PTH2R: variants seen among roughly 807,000 people sequenced by gnomAD.
The protein encoded by PTH2R is parathyroid hormone 2 receptor.
PTH2R carries 59 observed loss-of-function variants against 60.3 expected under a neutral mutation model. The ratio of observed to expected loss-of-function variants is 0.98; its 90% CI spans 0.79 to 1.22. The LOEUF (loss-of-function observed/expected upper bound fraction) is 1.22, where lower values mean the gene tolerates loss of function less well. Ranked by LOEUF, PTH2R falls within the 50% of genes most tolerant of loss-of-function variation. The pLI is 0.00. For synonymous variants in PTH2R, 256 were observed against 243.8 expected (o/e 1.05, Z -0.47); for missense variants, 749 against 682.6 (o/e 1.10, Z -1.08).
chr2:208,488,902 G>T, intron 10 of PTH2R, 110 bp from the exon 11 acceptor site: 1 of 1,119,972 alleles, frequency 8.9e-7, no homozygotes, highest in Non-Finnish European at 1.3e-6. Flanking sequence ...AAAAGAAAGT[G>T]TCAGCCCCAC....
intron 7 of PTH2R, among the ~76,000 whole-genome samples, chr2:208,446,427 T>G (rs1387889340): frequency 6.6e-6 from 1 of 152,222 alleles, no homozygotes; most frequent in Admixed American, 6.5e-5. Flanking sequence ...GGCATAGAAA[T>G]GACAACTACA....
chr2:208,407,669 A>G (rs1008666257), intron 1 of PTH2R, among the ~76,000 whole-genome samples: 17 of 152,372 alleles, frequency 1.1e-4, no homozygotes, highest in African/African-American at 3.6e-4. Flanking sequence ...TCACTTTTGT[A>G]CTGCTAATAT....
intron 1 of PTH2R, among the ~76,000 whole-genome samples, chr2:208,396,382 G>T (rs1030940749): frequency 3.9e-5 from 6 of 152,130 alleles, no homozygotes; most frequent in Non-Finnish European, 1.5e-5. Context: ...GCAACCTACA[G>T]AATGGGAGAA....
At chr2:208,395,136 C>A (rs1226159413) in intron 1 of PTH2R, among the ~76,000 whole-genome samples, 1 of 152,050 alleles carries the variant, frequency 6.6e-6, no homozygotes. Context: ...CAAGCTCCAC[C>A]TCCCAGGTTC....
intron 1 of PTH2R, among the ~76,000 whole-genome samples, chr2:208,379,291 C>G (rs1172394474): frequency 6.6e-6 from 1 of 152,056 alleles, no homozygotes; most frequent in Non-Finnish European, 1.5e-5. Context: ...TTGTGGGACA[C>G]AAAAGAGTCA....
At chr2:208,397,787 G>C (rs904264549) in intron 1 of PTH2R, among the ~76,000 whole-genome samples, 14 of 152,182 alleles carry the variant, frequency 9.2e-5, no homozygotes, top group African/African-American at 3.4e-4. Flanking sequence ...CTACACATGT[G>C]GGGATATGTG....
At chr2:208,466,419 T>C (rs2105893197) in intron 9 of PTH2R, 1 of 152,374 alleles carries the variant, frequency 6.6e-6, no homozygotes, top group South Asian at 2.1e-4. Context: ...TCCTTAGCAG[T>C]TTCTTGCACC....
rs561585899 is a variant in PTH2R at position 208,429,380 on chromosome 2, A to G, written c.178+1077A>G. Among the ~76,000 whole-genome samples, 6 of 152,278 alleles carry G rather than the reference A, an allele frequency of 3.9e-5. 1 individual carries two copies. The highest frequency in any genetic ancestry group is 1.4e-4 in the African/African-American group (6 of 41,570). ...AATTCACTGGATATTTTTACTTCAT[A>G]TATTTTGAAAATATGTTAGGAGGTT... On this transcript the variant is annotated intron_variant, in intron 2 of 12. Coordinates refer to ENST00000272847, the MANE Select transcript of PTH2R (RefSeq NM_005048.4).
At chr2:208,452,535 C>T (rs1018504917) in intron 8 of PTH2R, among the ~76,000 whole-genome samples, 1 of 152,066 alleles carries the variant, frequency 6.6e-6, no homozygotes, top group African/African-American at 2.4e-5. Context: ...CCTGGTTCTG[C>T]TGAAGCTAGA....
At chr2:208,490,527 C>A in intron 11 of PTH2R, 112 bp from the exon 12 acceptor site, 2 of 875,512 alleles carry the variant, frequency 2.3e-6, no homozygotes, top group Non-Finnish European at 1.8e-6. Context: ...GTATATAATT[C>A]TCTGAAGGAA....
chr2:208,364,713 T>C (rs1700544663), intron 1 of PTH2R, among the ~76,000 whole-genome samples: 1 of 152,244 alleles, frequency 6.6e-6, no homozygotes, highest in Non-Finnish European at 1.5e-5. Context: ...ACAAATGCTA[T>C]TGGAATTTTG....
intron 11 of PTH2R, among the ~76,000 whole-genome samples, chr2:208,489,694 G>T (rs375953885): frequency 3.3e-5 from 5 of 152,092 alleles, no homozygotes; most frequent in South Asian, 2.1e-4. Flanking sequence ...TCATATACTT[G>T]CCAGAAATAC....
intron 10 of PTH2R, among the ~76,000 whole-genome samples, chr2:208,481,613 C>T (rs958229364): frequency 6.6e-6 from 1 of 152,074 alleles, no homozygotes; most frequent in Non-Finnish European, 1.5e-5. Context: ...ATCAGAAAAG[C>T]ATATATATAT....
At chr2:208,389,879 G>C (rs549753192) in intron 1 of PTH2R, among the ~76,000 whole-genome samples, 1 of 152,220 alleles carries the variant, frequency 6.6e-6, no homozygotes, top group South Asian at 2.1e-4. Flanking sequence ...GCACATAGTA[G>C]GTGTTTAATG....
intron 1 of PTH2R, among the ~76,000 whole-genome samples, chr2:208,383,164 T>G (rs189954624): frequency 1.5e-4 from 23 of 152,352 alleles, no homozygotes; most frequent in Non-Finnish European, 3.1e-4. Context: ...AGGGAGGTAG[T>G]TAGAGGCTGC....
chr2:208,425,470 A>G (rs1206413379), intron 1 of PTH2R, among the ~76,000 whole-genome samples: 2 of 152,236 alleles, frequency 1.3e-5, no homozygotes, highest in South Asian at 2.1e-4. Context: ...AGAAATTGCT[A>G]TATAATCTAC....
intron 8 of PTH2R, among the ~76,000 whole-genome samples, chr2:208,453,359 A>G (rs1403204854): frequency 6.6e-6 from 1 of 152,242 alleles, no homozygotes; most frequent in Non-Finnish European, 1.5e-5. Context: ...AACCATAACT[A>G]CAAATGCTCT....
chr2:208,441,273 T>C (rs1198068723), intron 4 of PTH2R, among the ~76,000 whole-genome samples: 1 of 152,192 alleles, frequency 6.6e-6, no homozygotes, highest in Non-Finnish European at 1.5e-5. Context: ...AAGAGACATA[T>C]AGGGCGAAGT....
intron 8 of PTH2R, among the ~76,000 whole-genome samples, chr2:208,454,325 T>C (rs1702466955): frequency 6.6e-6 from 1 of 152,178 alleles, no homozygotes; most frequent in Non-Finnish European, 1.5e-5. Flanking sequence ...TAACCCCCAA[T>C]GTGACTCTAT....
Sources: allele counts gnomAD v4.1 joint callset (sites outside exome capture counted in the v4.1 genomes callset), GRCh38; gene constraint gnomAD v4.1.1; transcripts MANE v1.5; gene names NCBI Gene and HGNC (gene_info 2026-07-23, HGNC 2026-07-21).